Variants in CACNA2D1 observed in about 807,000 individuals in gnomAD.
The protein encoded by CACNA2D1 is calcium voltage-gated channel auxiliary subunit alpha2delta 1.
In CACNA2D1, 53 loss-of-function variants were observed where a neutral mutation model predicts 171.5. The ratio of observed to expected loss-of-function variants is 0.31; its 90% CI spans 0.25 to 0.39. The LOEUF is 0.39. Among genes scored for constraint, CACNA2D1 ranks in the 10% least tolerant of loss-of-function variants. The pLI is 1.00. For missense variants in CACNA2D1, 903 were observed against 1,299.8 expected (o/e 0.69, Z 4.69); for synonymous variants, 442 against 443.1 (o/e 1.00, Z 0.03).
At chr7:82,366,321 T>TC (rs755868839) in intron 1 of CACNA2D1, among the ~76,000 whole-genome samples, 26 of 152,314 alleles carry the variant, frequency 1.7e-4, no homozygotes, top group Admixed American at 7.9e-4. Context: ...AATGATCCCA[T>TC]CACCCAGGTA....
chr7:82,332,602 T>G lies in CACNA2D1; in HGVS notation c.294+2533A>C, dbSNP rs16887229. 8.8e-3 allele frequency among the ~76,000 whole-genome samples: 1,303 copies of G among 147,276 alleles called. 29 individuals carry two copies. The South Asian group carries it at 0.1, about 12-fold the overall frequency. ...AAATTTTTGAGGGTCAAGATATTTA[T>G]AAAAGATAGTAAACAAAAAAACCTG... On this transcript the variant is annotated intron_variant, in intron 3 of 38. Transcript: ENST00000356860.
intron 1 of CACNA2D1, among the ~76,000 whole-genome samples, chr7:82,359,646 A>T (rs1820860190): frequency 1.4e-5 from 2 of 142,844 alleles, no homozygotes; most frequent in Non-Finnish European, 3.1e-5. Context: ...TGGCCAATTC[A>T]AGTCCTCAAA....
chr7:81,959,876 A>T (rs1182357716), intron 36 of CACNA2D1, 47 bp from the exon 37 acceptor site: 2 of 1,583,256 alleles, frequency 1.3e-6, no homozygotes, highest in Admixed American at 3.5e-5. Flanking sequence ...CTTTTCCAAA[A>T]TAAATGGAAA....
intron 3 of CACNA2D1, among the ~76,000 whole-genome samples, chr7:82,234,971 G>C (rs1003510608): frequency 6.6e-6 from 1 of 152,076 alleles, no homozygotes; most frequent in Non-Finnish European, 1.5e-5. Flanking sequence ...TATTGTTCAA[G>C]TGCTGCGATT....
At chr7:82,180,173 G>A (rs146993453) in intron 3 of CACNA2D1, among the ~76,000 whole-genome samples, 2 of 152,228 alleles carry the variant, frequency 1.3e-5, no homozygotes, top group African/African-American at 2.4e-5. Flanking sequence ...TAGAGATAGT[G>A]TCTCCCTCCA....
At chr7:82,416,386 C>T (rs1828171760) in intron 1 of CACNA2D1, among the ~76,000 whole-genome samples, 1 of 152,048 alleles carries the variant, frequency 6.6e-6, no homozygotes, top group African/African-American at 2.4e-5. Context: ...TGTCTGGATT[C>T]GTTTGCTCAG....
chr7:82,231,143 C>G (rs1276935121), intron 3 of CACNA2D1, among the ~76,000 whole-genome samples: 2 of 152,208 alleles, frequency 1.3e-5, no homozygotes, highest in Non-Finnish European at 2.9e-5. Flanking sequence ...CAGAGCTCAG[C>G]ACTGGGAACC....
chr7:82,300,474 C>T (rs1404181933), intron 3 of CACNA2D1, among the ~76,000 whole-genome samples: 1 of 152,024 alleles, frequency 6.6e-6, no homozygotes, highest in African/African-American at 2.4e-5. Context: ...AAGTAAAAGC[C>T]ATGAGTAATT....
chr7:82,011,832 A>T (rs963571240), intron 15 of CACNA2D1, among the ~76,000 whole-genome samples: 1 of 152,080 alleles, frequency 6.6e-6, no homozygotes, highest in African/African-American at 2.4e-5. Context: ...ATTCACAAAG[A>T]CTTTCATCTT....
At chr7:82,333,177 C>T (rs1415712914) in intron 3 of CACNA2D1, among the ~76,000 whole-genome samples, 1 of 152,106 alleles carries the variant, frequency 6.6e-6, no homozygotes, top group East Asian at 1.9e-4. Context: ...ATCAATTCTT[C>T]TCAATTTGGT....
intron 1 of CACNA2D1, among the ~76,000 whole-genome samples, chr7:82,361,101 G>A (rs1038601518): frequency 1.3e-5 from 2 of 152,064 alleles, no homozygotes; most frequent in African/African-American, 4.8e-5. Flanking sequence ...TGTCCTCACA[G>A]AACACGGTTC....
chr7:82,290,797 T>C (rs1366822718), intron 3 of CACNA2D1, among the ~76,000 whole-genome samples: 4 of 151,766 alleles, frequency 2.6e-5, no homozygotes, highest in Non-Finnish European at 5.9e-5. Context: ...GGTTTCTCCA[T>C]GTTGGTCAGG....
intron 3 of CACNA2D1, among the ~76,000 whole-genome samples, chr7:82,208,108 T>C (rs1400227055): frequency 1.3e-5 from 2 of 152,156 alleles, no homozygotes; most frequent in Non-Finnish European, 2.9e-5. Context: ...TTCTATAATA[T>C]AGTGACAGAA....
At position 82,326,033 on chromosome 7, in the gene CACNA2D1, A is replaced by C. The variant is rs568166886; in HGVS notation, c.294+9102T>G. Among the ~76,000 whole-genome samples, 3 of 152,204 alleles carry C rather than the reference A, an allele frequency of 2.0e-5. No individual in the cohort carries two copies. In the South Asian group the frequency reaches 6.2e-4, roughly 32 times the overall value. ...GGTATGGGCATGAGTGCACTCAGTG[A>C]TGTGATGATGTCCTGTCCAGGGTAG... On this transcript the variant is annotated intron_variant, in intron 3 of 38. Transcript: ENST00000356860.
At position 82,184,246 on chromosome 7, in the gene CACNA2D1, C is replaced by T. The variant is rs75324430; in HGVS notation, c.295-13637G>A. Among the ~76,000 whole-genome samples, 833 of 148,016 alleles carry T rather than the reference C, an allele frequency of 5.6e-3. 9 individuals carry two copies. The highest frequency in any genetic ancestry group is 0.019 in the African/African-American group (765 of 40,072). ...TCTGTGGCAAAGAGTGTACTATATGCCCCTCTCACTTTGTAATCTTTCCTC... is the reference window on the plus strand; with the variant it reads ...TCTGTGGCAAAGAGTGTACTATATGTCCCTCTCACTTTGTAATCTTTCCTC... On this transcript the variant is annotated intron_variant, in intron 3 of 38. Transcript: ENST00000356860.
At position 82,002,673 on chromosome 7, in the gene CACNA2D1, G is replaced by A. The variant is rs546190667; in HGVS notation, c.1590+2750C>T. On this transcript the variant is annotated intron_variant, in intron 18 of 38. Transcript: ENST00000356860. ...ATATCTAATTAAGTAGACCTAACCT[G>A]GCTACTTCAATGACACAAAACGGAA... Among the ~76,000 whole-genome samples the A allele has an allele frequency of 4.6e-5, 7 of 152,096 alleles. No homozygotes were observed. The South Asian group carries it at 1.2e-3, about 27-fold the overall frequency.
At chr7:82,177,112 A>G (rs1433959269) in intron 3 of CACNA2D1, among the ~76,000 whole-genome samples, 137 of 76,652 alleles carry the variant, frequency 1.8e-3, no homozygotes, top group African/African-American at 3.3e-3. Flanking sequence ...GGCGGGCTGG[A>G]GGGTATTGGG....
intron 24 of CACNA2D1, among the ~76,000 whole-genome samples, chr7:81,981,951 G>A (rs139084387): frequency 2.4e-4 from 37 of 152,126 alleles, no homozygotes; most frequent in African/African-American, 8.4e-4. Flanking sequence ...TACGTGTATA[G>A]ATACACATAA....
intron 7 of CACNA2D1, among the ~76,000 whole-genome samples, chr7:82,073,451 G>A (rs1489098186): frequency 6.6e-6 from 1 of 152,148 alleles, no homozygotes; most frequent in Non-Finnish European, 1.5e-5. Flanking sequence ...GATTGAAATG[G>A]TTTTTAAAAT....
Sources: gnomAD v4.1 joint callset for allele counts (sites outside exome capture counted in the v4.1 genomes callset) on GRCh38, gnomAD v4.1.1 for gene constraint, MANE v1.5 for transcripts, NCBI Gene and HGNC (gene_info 2026-07-23, HGNC 2026-07-21) for gene names.